The following MYO1D variants were observed in gnomAD, a reference collection of about 807,000 sequenced individuals.
MYO1D encodes the protein unconventional myosin-Id.
A neutral mutation model predicts 122.0 loss-of-function variants in MYO1D; 83 were observed. The ratio of observed to expected loss-of-function variants is 0.68; its 90% confidence interval spans 0.57 to 0.82. The LOEUF (loss-of-function observed/expected upper bound fraction) is 0.82. Ranked by LOEUF, MYO1D falls within the 40% of genes least tolerant of loss-of-function variation. The probability of loss-of-function intolerance (pLI) is 0.00; values close to 1 mark genes in which losing one functional copy is unlikely to be tolerated. For synonymous variants in MYO1D, 464 were observed against 446.9 expected (o/e 1.04, Z -0.48); for missense variants, 1,157 against 1,269.5 (o/e 0.91, Z 1.35).
intron 13 of MYO1D, among the ~76,000 whole-genome samples, chr17:32,744,832 G>C (rs142722698): frequency 6.6e-5 from 10 of 152,162 alleles, no homozygotes; most frequent in Non-Finnish European, 4.4e-5. Context: ...TTATTTGGGG[G>C]TGAAGACACT....
At chr17:32,574,584 A>G (rs1255705939) in intron 21 of MYO1D, among the ~76,000 whole-genome samples, 1 of 152,204 alleles carries the variant, frequency 6.6e-6, no homozygotes, top group Non-Finnish European at 1.5e-5. Flanking sequence ...CTTGCTTTCA[A>G]TTATTCATTT....
chr17:32,711,092 T>C (rs759134053), intron 16 of MYO1D, among the ~76,000 whole-genome samples: 2 of 152,170 alleles, frequency 1.3e-5, no homozygotes, highest in Non-Finnish European at 2.9e-5. Context: ...AGGTATATGA[T>C]TTTTCATATA....
intron 21 of MYO1D, among the ~76,000 whole-genome samples, chr17:32,563,260 A>T (rs1331164339): frequency 3.4e-5 from 4 of 119,272 alleles, no homozygotes; most frequent in East Asian, 2.5e-4. Flanking sequence ...CCCAGGCTGG[A>T]GCGTAGTGGC....
intron 14 of MYO1D, among the ~76,000 whole-genome samples, chr17:32,730,457 A>G (rs1229290983): frequency 6.6e-6 from 1 of 152,194 alleles, no homozygotes; most frequent in South Asian, 2.1e-4. Flanking sequence ...AGTTTCACTT[A>G]GTATACTCTT....
rs780189693 is a variant in MYO1D at position 32,721,016 on chromosome 17, T to TTCTCTG, written c.1913+6_1913+7insCAGAGA. The TTCTCTG allele has an allele frequency of 6.2e-7, 1 of 1,613,574 alleles. No individual in the cohort carries two copies. The highest frequency in any genetic ancestry group is 8.5e-7 in the Non-Finnish European group (1 of 1,179,606). On this transcript the variant is annotated splice_region_variant and intron_variant, in intron 15 of 21. Transcript: ENST00000318217. ...GAACTAGGCCTCTCTGACGAGTCTA[T>TTCTCTG]TCTCACCTGTGAAGAAACTTCTCGT...
intron 21 of MYO1D, among the ~76,000 whole-genome samples, chr17:32,548,312 C>T (rs1456754487): frequency 6.6e-6 from 1 of 151,494 alleles, no homozygotes; most frequent in Admixed American, 6.6e-5. Flanking sequence ...GTATATAGTC[C>T]CAGCTACTGG....
At position 32,767,764 on chromosome 17, in the gene MYO1D, A is replaced by C. The variant is rs1393142294; in HGVS notation, c.715-12T>G. 1 of 1,558,512 alleles carries C rather than the reference A, an allele frequency of 6.4e-7. No homozygotes were observed. The highest frequency in any genetic ancestry group is 2.2e-5 in the East Asian group (1 of 44,586). Reference sequence around the variant, plus strand: ...TCATTGATAGAAGACTGGGGATGAAAATGAAAAACTGAAGTTACAGATATT... The same window carrying C: ...TCATTGATAGAAGACTGGGGATGAACATGAAAAACTGAAGTTACAGATATT... On this transcript the variant is annotated splice_polypyrimidine_tract_variant and intron_variant, in intron 6 of 21. Transcript: ENST00000318217.
At chr17:32,811,919 C>T (rs904092415) in intron 1 of MYO1D, among the ~76,000 whole-genome samples, 1 of 152,120 alleles carries the variant, frequency 6.6e-6, no homozygotes, top group Admixed American at 6.6e-5. Context: ...AGTCAAAATG[C>T]TGAGGAAATG....
In MYO1D at chr17:32,533,144, T is replaced by G. The variant is rs144445180; in HGVS notation, c.2865-38229A>C. Among the ~76,000 whole-genome samples, 381 of 152,336 alleles carry G rather than the reference T, an allele frequency of 2.5e-3. 6 individuals are homozygous for G. The highest frequency in any genetic ancestry group is 8.5e-3 in the African/African-American group (355 of 41,572). On this transcript the variant is annotated intron_variant, in intron 21 of 21. Transcript: ENST00000318217. The stretch of plus-strand genomic sequence containing the variant: ...TATATTTTTTAGATCTATGGCAAAA[T>G]GAAACTTTATTTTGTAAATTGATAC...
At chr17:32,587,751 T>A (rs1013414325) in intron 21 of MYO1D, among the ~76,000 whole-genome samples, 102 of 152,266 alleles carry the variant, frequency 6.7e-4, no homozygotes, top group African/African-American at 2.4e-3. Context: ...AGTCTTCCCC[T>A]CCCTCTGCTC....
At chr17:32,842,136 T>C (rs951073166) in intron 1 of MYO1D, among the ~76,000 whole-genome samples, 13 of 152,164 alleles carry the variant, frequency 8.5e-5, no homozygotes, top group Admixed American at 2.6e-4. Context: ...CATTTGATAG[T>C]TCCAGGACTG....
chr17:32,685,130 T>C (rs1327597196), intron 16 of MYO1D, among the ~76,000 whole-genome samples: 1 of 152,108 alleles, frequency 6.6e-6, no homozygotes, highest in Non-Finnish European at 1.5e-5. Flanking sequence ...TAGAAAGCAA[T>C]AAACGCTGTG....
At chr17:32,747,604 A>G (rs567935778) in intron 12 of MYO1D, among the ~76,000 whole-genome samples, 2 of 152,260 alleles carry the variant, frequency 1.3e-5, no homozygotes, top group East Asian at 3.9e-4. Context: ...TGGGAGGCCA[A>G]GGCGGGCAGA....
chr17:32,811,619 T>TC (rs2090573209), intron 1 of MYO1D, among the ~76,000 whole-genome samples: 1 of 123,190 alleles, frequency 8.1e-6, no homozygotes, highest in Non-Finnish European at 1.6e-5. Flanking sequence ...TCACCCTCTT[T>TC]TTTTTTTTTT....
At chr17:32,668,526 T>C (rs761335392) in intron 16 of MYO1D, among the ~76,000 whole-genome samples, 119 of 152,326 alleles carry the variant, frequency 7.8e-4, no homozygotes, top group Non-Finnish European at 7.2e-4. Context: ...GCCAAAGGTA[T>C]ACCCTAACAT....
chr17:32,787,950 T>C (rs2151034130), intron 1 of MYO1D, among the ~76,000 whole-genome samples: 1 of 152,372 alleles, frequency 6.6e-6, no homozygotes, highest in East Asian at 1.9e-4. Context: ...GGCCGAGTAG[T>C]ATTCCATGGT....
At position 32,764,762 on chromosome 17, in the gene MYO1D, T is replaced by C. The variant is rs1598078658; in HGVS notation, c.1035+116A>G. 10 of 1,084,006 alleles carry C rather than the reference T, an allele frequency of 9.2e-6. 2 individuals are homozygous for C. The highest frequency in any genetic ancestry group is 3.0e-4 in the Middle Eastern group (1 of 3,360). 67.1% of individuals were successfully genotyped at this position (1,084,006 alleles called of 1,614,324 possible). On this transcript the variant is annotated intron_variant, in intron 8 of 21. Coordinates refer to ENST00000318217, the MANE Select transcript of MYO1D (RefSeq NM_015194.3). The stretch of plus-strand genomic sequence containing the variant: ...CTTGTATGGCCAGAAAGTATCATTA[T>C]GGTTTCTAAAAGCCTTAACCCTCTT...
chr17:32,535,077 T>C (rs1308584146), intron 21 of MYO1D, among the ~76,000 whole-genome samples: 2 of 152,170 alleles, frequency 1.3e-5, no homozygotes, highest in Non-Finnish European at 2.9e-5. Context: ...TACAAGACAT[T>C]TGGTGTGGAC....
chr17:32,564,217 C>T (rs1047713390), intron 21 of MYO1D, among the ~76,000 whole-genome samples: 3 of 152,234 alleles, frequency 2.0e-5, no homozygotes, highest in Non-Finnish European at 4.4e-5. Flanking sequence ...TCCTCATGCC[C>T]TCTGCTTCTT....
Sources: gnomAD v4.1 joint callset for allele counts (sites outside exome capture counted in the v4.1 genomes callset) on GRCh38, gnomAD v4.1.1 for gene constraint, MANE v1.5 for transcripts, NCBI Gene and HGNC (gene_info 2026-07-23, HGNC 2026-07-21) for gene names.